The following IL1RAPL1 variants were observed in gnomAD, a reference collection of about 807,000 sequenced individuals.
IL1RAPL1 encodes the protein interleukin-1 receptor accessory protein-like 1.
IL1RAPL1 carries 3 observed loss-of-function variants against 48.4 expected under a neutral mutation model. The ratio of observed to expected loss-of-function variants is 0.06; its 90% CI spans 0.03 to 0.16. The LOEUF is 0.16. IL1RAPL1 is among the 10% of genes least tolerant of loss of function. IL1RAPL1 has a pLI of 1.00. For missense variants in IL1RAPL1, 349 were observed against 530.6 expected (o/e 0.66, Z 3.36); for synonymous variants, 185 against 187.7 (o/e 0.99, Z 0.12).
chrX:29,703,931 A>G (rs1289681787), intron 6 of IL1RAPL1, among the ~76,000 whole-genome samples: 1 of 111,122 alleles, frequency 9.0e-6, no homozygotes, highest in African/African-American at 3.3e-5. Flanking sequence ...CAAATTTTGT[A>G]TTTTTAATTT....
At chrX:29,707,477 C>G (rs1343150821) in intron 6 of IL1RAPL1, among the ~76,000 whole-genome samples, 2 of 111,654 alleles carry the variant, frequency 1.8e-5, no homozygotes, top group African/African-American at 6.5e-5. Flanking sequence ...AAAAAAGATA[C>G]CTGCACATGC....
intron 2 of IL1RAPL1, among the ~76,000 whole-genome samples, chrX:29,210,834 T>C (rs1930755120): frequency 8.9e-6 from 1 of 112,246 alleles, no homozygotes; most frequent in Non-Finnish European, 1.9e-5. Context: ...AATCTTCTAT[T>C]CTTTGACTCT....
At chrX:29,494,147 C>T (rs1401087491) in intron 5 of IL1RAPL1, among the ~76,000 whole-genome samples, 1 of 111,358 alleles carries the variant, frequency 9.0e-6, no homozygotes, top group Non-Finnish European at 1.9e-5. Context: ...ATGATCTTCC[C>T]GCTTTGGCCT....
intron 1 of IL1RAPL1, among the ~76,000 whole-genome samples, chrX:28,684,224 T>A (rs1160104115): frequency 8.9e-6 from 1 of 112,529 alleles, no homozygotes; most frequent in East Asian, 2.8e-4. Context: ...TTGCATATGC[T>A]ATTTCATTTC....
intron 5 of IL1RAPL1, among the ~76,000 whole-genome samples, chrX:29,532,879 G>A (rs1440755557): frequency 1.8e-5 from 2 of 111,590 alleles, no homozygotes; most frequent in African/African-American, 3.3e-5. Flanking sequence ...CCCAAGAAGC[G>A]ATGGGCAAAT....
intron 2 of IL1RAPL1, among the ~76,000 whole-genome samples, chrX:28,849,292 A>G (rs1363513326): frequency 9.0e-6 from 1 of 111,602 alleles, no homozygotes; most frequent in Non-Finnish European, 1.9e-5. Flanking sequence ...ATCTCTGTGT[A>G]CCCATTCAAG....
chrX:28,871,092 G>A (rs1285416448), intron 2 of IL1RAPL1, among the ~76,000 whole-genome samples: 1 of 111,906 alleles, frequency 8.9e-6, no homozygotes. Context: ...TATGGTTTTA[G>A]TCGGAGTTTA....
intron 2 of IL1RAPL1, among the ~76,000 whole-genome samples, chrX:28,926,771 C>T (rs1445599180): frequency 9.0e-6 from 1 of 111,578 alleles, no homozygotes; most frequent in African/African-American, 3.3e-5. Context: ...TCAAACCTCC[C>T]TCTCACAACA....
At chrX:29,016,979 GTAC>G (rs912456499) in intron 2 of IL1RAPL1, among the ~76,000 whole-genome samples, 1 of 111,151 alleles carries the variant, frequency 9.0e-6, no homozygotes, top group Non-Finnish European at 1.9e-5. Context: ...ACAAGCAAAA[GTAC>G]TACATTATAC....
At position 29,525,546 on chromosome X, in the gene IL1RAPL1, A is replaced by G. The variant is rs139551591; in HGVS notation, c.703+126238A>G. Among the ~76,000 whole-genome samples the G allele has an allele frequency of 4.9e-3, 553 of 111,812 alleles. 5 individuals carry two copies. In the East Asian group the frequency reaches 0.065, roughly 13 times the overall value. ...GTCAAGTCTCTAATCTCTAAAATGT[A>G]TTTCGAAGACACAGTTTGAGCAGGT... On this transcript the variant is annotated intron_variant, in intron 5 of 10. Coordinates refer to ENST00000378993, the MANE Select transcript of IL1RAPL1 (RefSeq NM_014271.4).
intron 6 of IL1RAPL1, among the ~76,000 whole-genome samples, chrX:29,875,792 G>A (rs1931890503): frequency 8.9e-6 from 1 of 112,128 alleles, no homozygotes; most frequent in Non-Finnish European, 1.9e-5. Flanking sequence ...TAAGCATGGT[G>A]AGCAGATAGT....
In IL1RAPL1 at chrX:29,182,119, A is replaced by G. The variant is rs1047417132; in HGVS notation, c.83-100819A>G. Reference sequence around the variant, plus strand: ...TTTTAGCCTTGCCCCCCCCCACCCCATGCCTTCCCTGACCTCTGGTAGAGG... The same window carrying G: ...TTTTAGCCTTGCCCCCCCCCACCCCGTGCCTTCCCTGACCTCTGGTAGAGG... On this transcript the variant is annotated intron_variant, in intron 2 of 10. Coordinates refer to ENST00000378993, the MANE Select transcript of IL1RAPL1 (RefSeq NM_014271.4). Among the ~76,000 whole-genome samples the G allele has an allele frequency of 1.3e-4, 14 of 107,434 alleles. No individual in the cohort carries two copies. In the South Asian group the frequency reaches 3.7e-3, roughly 29 times the overall value. The allele number at this position is 107,434 out of a possible 115,157, so 93.3% of individuals were successfully genotyped here.
At chrX:28,591,724 A>G (rs190970796) in intron 1 of IL1RAPL1, among the ~76,000 whole-genome samples, 222 of 111,450 alleles carry the variant, frequency 2.0e-3, no homozygotes, top group African/African-American at 6.8e-3. Flanking sequence ...GTGAGACATC[A>G]AGGCATTGTA....
intron 5 of IL1RAPL1, among the ~76,000 whole-genome samples, chrX:29,418,125 A>ATATTT (rs1474269220): frequency 1.9e-4 from 5 of 26,702 alleles, no homozygotes; most frequent in African/African-American, 6.7e-4. Flanking sequence ...ATATATATAT[A>ATATTT]TTTTTTTTTT....
chrX:29,164,401 T>G (rs112552922), intron 2 of IL1RAPL1, among the ~76,000 whole-genome samples: 1,508 of 111,904 alleles, frequency 0.013, 13 homozygotes, highest in Middle Eastern at 0.073. Flanking sequence ...ACAAAAAAAA[T>G]TCCTTTGGAG....
intron 2 of IL1RAPL1, among the ~76,000 whole-genome samples, chrX:29,175,419 G>A (rs1376964543): frequency 8.9e-6 from 1 of 112,057 alleles, no homozygotes; most frequent in Non-Finnish European, 1.9e-5. Context: ...AAGCTTAGTA[G>A]CTATAAGTAA....
intron 2 of IL1RAPL1, among the ~76,000 whole-genome samples, chrX:29,088,050 G>A (rs1252034100): frequency 1.8e-5 from 2 of 111,396 alleles, no homozygotes; most frequent in African/African-American, 3.3e-5. Flanking sequence ...AACAACAAAT[G>A]TCTTCATAGC....
chrX:29,826,214 G>A (rs1465541384), intron 6 of IL1RAPL1, among the ~76,000 whole-genome samples: 3 of 110,969 alleles, frequency 2.7e-5, no homozygotes, highest in African/African-American at 9.8e-5. Context: ...ATTCCATTGA[G>A]GTGGCCATTT....
At chrX:29,198,900 G>C (rs1930496818) in intron 2 of IL1RAPL1, among the ~76,000 whole-genome samples, 1 of 111,500 alleles carries the variant, frequency 9.0e-6, no homozygotes, top group Non-Finnish European at 1.9e-5. Flanking sequence ...GGGCAATTTT[G>C]ATGCTATTCT....
Sources: gnomAD v4.1 joint callset for allele counts (sites outside exome capture counted in the v4.1 genomes callset) on GRCh38, gnomAD v4.1.1 for gene constraint, MANE v1.5 for transcripts, NCBI Gene and HGNC (gene_info 2026-07-23, HGNC 2026-07-21) for gene names.